SH3PXD2A: variants seen among roughly 807,000 people sequenced by gnomAD.
SH3PXD2A encodes the protein SH3 and PX domains 2A.
A neutral mutation model predicts 115.2 loss-of-function variants in SH3PXD2A; 32 were observed. That is an observed-to-expected ratio of 0.28 (90% CI 0.21 to 0.37). The LOEUF is 0.37. Ranked by LOEUF, SH3PXD2A falls within the 10% of genes least tolerant of loss-of-function variation. The pLI is 1.00. For missense variants in SH3PXD2A, 1,328 were observed against 1,498.7 expected, an observed-to-expected ratio of 0.89 and a Z score of 1.88; for synonymous variants, 610 against 629.1, an observed-to-expected ratio of 0.97 and a Z score of 0.45.
chr10:103,763,830 G>C (rs966924059), intron 3 of SH3PXD2A, among the ~76,000 whole-genome samples: 1 of 151,838 alleles, frequency 6.6e-6, no homozygotes, highest in African/African-American at 2.4e-5. Flanking sequence ...TGACTGATGT[G>C]GGGGGGCTAT....
chr10:103,762,252 TC>T (rs1276246783), intron 3 of SH3PXD2A, among the ~76,000 whole-genome samples: 1 of 152,126 alleles, frequency 6.6e-6, no homozygotes, highest in Non-Finnish European at 1.5e-5. Context: ...GGTCTGGAAC[TC>T]CTGGCCTCAA....
intron 1 of SH3PXD2A, among the ~76,000 whole-genome samples, chr10:103,807,902 G>A (rs990887576): frequency 6.6e-6 from 1 of 152,282 alleles, no homozygotes; most frequent in African/African-American, 2.4e-5. Flanking sequence ...GTGGGGACAC[G>A]ATCACCGCTC....
chr10:103,620,527 G>A lies in SH3PXD2A; in HGVS notation c.802+1943C>T, dbSNP rs973059719. Among the ~76,000 whole-genome samples the A allele has an allele frequency of 1.3e-5, 2 of 152,192 alleles. No homozygotes were observed. Among genetic ancestry groups the A allele is most frequent in the East Asian group, 1.9e-4 (1 of 5,198 alleles). ...TGGCTGGCTGAGGGAACGGGGAGCG[G>A]AGGCCGTGGGGAAGCTCCGCTTTTC... On this transcript the variant is annotated intron_variant, in intron 10 of 14. Transcript: ENST00000369774. The surrounding 1 kb of genome is among the most constrained non-coding windows in gnomAD (Gnocchi z 5.3).
At chr10:103,686,821 C>T (rs1416708177) in intron 6 of SH3PXD2A, among the ~76,000 whole-genome samples, 2 of 149,258 alleles carry the variant, frequency 1.3e-5, no homozygotes, top group African/African-American at 4.9e-5. Context: ...GATCTCGGCT[C>T]ACTGCAACCT....
chr10:103,765,996 T>A (rs75417984), intron 3 of SH3PXD2A, among the ~76,000 whole-genome samples: 2,058 of 152,320 alleles, frequency 0.014, 59 homozygotes, highest in African/African-American at 0.047. Flanking sequence ...GTAGCTAAAC[T>A]AATTATCTCT....
chr10:103,668,552 C>T lies in SH3PXD2A; in HGVS notation c.472+56G>A, dbSNP rs372776789. 151 of 1,462,886 alleles carry T rather than the reference C, an allele frequency of 1.0e-4. No homozygotes were observed. In the African/African-American group the frequency reaches 1.4e-3, roughly 14 times the overall value. 90.6% of individuals were successfully genotyped at this position (1,462,886 alleles called of 1,614,324 possible). On this transcript the variant is annotated intron_variant, in intron 7 of 14. Transcript: ENST00000369774. ...CAGGGCCTGCAGGCACCGGCTCCCG[C>T]GCACACGGACCTGGAACACACATGC...
chr10:103,803,012 C>T (rs1400484910), intron 1 of SH3PXD2A, among the ~76,000 whole-genome samples: 1 of 152,218 alleles, frequency 6.6e-6, no homozygotes, highest in Non-Finnish European at 1.5e-5. Flanking sequence ...GGCCCACCTC[C>T]CAGGTGCCTG....
intron 11 of SH3PXD2A, among the ~76,000 whole-genome samples, chr10:103,616,458 A>T (rs2036519906): frequency 6.6e-6 from 1 of 152,238 alleles, no homozygotes; most frequent in African/African-American, 2.4e-5. Context: ...CTGGAAGGGT[A>T]GGTCTTGGCC....
intron 8 of SH3PXD2A, among the ~76,000 whole-genome samples, chr10:103,657,730 C>A (rs1480522039): frequency 6.6e-6 from 1 of 152,238 alleles, no homozygotes; most frequent in Non-Finnish European, 1.5e-5. Flanking sequence ...CTTCCTCAGA[C>A]CCTCTCAGCT....
intron 10 of SH3PXD2A, among the ~76,000 whole-genome samples, chr10:103,618,095 G>T (rs2036547340): frequency 6.6e-6 from 1 of 152,224 alleles, no homozygotes; most frequent in Admixed American, 6.5e-5. Context: ...CCTCTGGAGG[G>T]CAGCCTGCTC....
chr10:103,716,522 T>C (rs1458591081), intron 5 of SH3PXD2A, among the ~76,000 whole-genome samples: 1 of 152,122 alleles, frequency 6.6e-6, no homozygotes, highest in Non-Finnish European at 1.5e-5. Context: ...TTAACCAGGA[T>C]CATGGCTGGC....
At chr10:103,839,363 C>A (rs1211857212) in intron 1 of SH3PXD2A, among the ~76,000 whole-genome samples, 4 of 152,208 alleles carry the variant, frequency 2.6e-5, no homozygotes, top group Non-Finnish European at 5.9e-5. Context: ...GCGAAGGATT[C>A]TTTCAGGGGA....
intron 4 of SH3PXD2A, 31 bp downstream of exon 4, chr10:103,735,701 G>C: frequency 1.6e-6 from 2 of 1,278,264 alleles, no homozygotes. Context: ...CCCTCCCCGA[G>C]CCCCTCCCCC....
At chr10:103,775,302 A>G (rs1350930084) in intron 2 of SH3PXD2A, among the ~76,000 whole-genome samples, 1 of 152,132 alleles carries the variant, frequency 6.6e-6, no homozygotes, top group Non-Finnish European at 1.5e-5. Flanking sequence ...CCACATCAGC[A>G]GGTTTCAGGA....
At chr10:103,619,166 C>G (rs2036565707) in intron 10 of SH3PXD2A, among the ~76,000 whole-genome samples, 2 of 152,238 alleles carry the variant, frequency 1.3e-5, no homozygotes, top group Non-Finnish European at 2.9e-5. Flanking sequence ...TCCAACCCAG[C>G]CATGCTTCAG....
rs1292766958 is a variant in SH3PXD2A at position 103,756,703 on chromosome 10, G to A, written c.229+10391C>T. Among the ~76,000 whole-genome samples the A allele has an allele frequency of 2.6e-5, 4 of 152,162 alleles. No homozygotes were observed. Among genetic ancestry groups the A allele is most frequent in the Non-Finnish European group, 5.9e-5 (4 of 68,004 alleles). On this transcript the variant is annotated intron_variant, in intron 3 of 14. Coordinates refer to ENST00000369774, the MANE Select transcript of SH3PXD2A (RefSeq NM_001394015.1). The surrounding 1 kb of genome is among the most constrained non-coding windows in gnomAD (Gnocchi z 4.4). ...TCCTTCTGCCATCTTGGCCAGGGCT[G>A]CCCAGACAGAGCTATGGGCAGTCAT...
At chr10:103,706,015 AAAAAG>A (rs1164592264) in intron 5 of SH3PXD2A, among the ~76,000 whole-genome samples, 3 of 151,888 alleles carry the variant, frequency 2.0e-5, no homozygotes, top group African/African-American at 7.3e-5. Context: ...AAAAAAAAAA[AAAAAG>A]AAAGAAAGAA....
intron 5 of SH3PXD2A, among the ~76,000 whole-genome samples, chr10:103,695,555 TG>T (rs1484787692): frequency 8.6e-5 from 13 of 150,742 alleles, no homozygotes; most frequent in African/African-American, 3.2e-4. Flanking sequence ...AAAACTCACA[TG>T]CTTGGAGGGC....
rs1050144218 is a variant in SH3PXD2A at position 103,708,419 on chromosome 10, G to A, written c.399-15363C>T. On this transcript the variant is annotated intron_variant, in intron 5 of 14. Transcript: ENST00000369774. ...GGAGCCCAGGCCTCCCCAGGAGAAG[G>A]GCACCAGGAAACCCCAGGCAGTCAC... Among the ~76,000 whole-genome samples the A allele has an allele frequency of 3.9e-5, 6 of 152,100 alleles. No homozygotes were observed. The South Asian group carries it at 8.3e-4, about 21-fold the overall frequency.
Sources: allele counts gnomAD v4.1 joint callset (sites outside exome capture counted in the v4.1 genomes callset), GRCh38; gene constraint gnomAD v4.1.1; non-coding constraint Gnocchi (gnomAD v3.1); transcripts MANE v1.5; gene names NCBI Gene and HGNC (gene_info 2026-07-23, HGNC 2026-07-21).